Variants in RASAL2 observed in about 807,000 individuals in gnomAD.
RASAL2 encodes the protein RAS protein activator like 2.
In RASAL2, 58 loss-of-function variants were observed where a neutral mutation model predicts 128.9. The ratio of observed to expected loss-of-function variants is 0.45; its 90% confidence interval spans 0.36 to 0.56. The LOEUF is 0.56. Ranked by LOEUF, RASAL2 falls within the 20% of genes least tolerant of loss-of-function variation. The pLI is 0.00. For synonymous variants in RASAL2, 561 were observed against 580.8 expected (o/e 0.97, Z 0.49); for missense variants, 1,360 against 1,601.6 (o/e 0.85, Z 2.57).
rs1014674676 is a variant in RASAL2 at position 178,203,314 on chromosome 1, A to G, written c.203-80250A>G. Among the ~76,000 whole-genome samples the G allele has an allele frequency of 2.0e-5, 3 of 152,180 alleles. No homozygotes were observed. The South Asian group carries it at 6.2e-4, about 31-fold the overall frequency. On this transcript the variant is annotated intron_variant, in intron 1 of 17. Coordinates refer to ENST00000367649, the MANE Select transcript of RASAL2 (RefSeq NM_170692.4). ...CACTGGTCTTACCATGTTCCTCATC[A>G]TCCTGAAGCAGCTGGATTGATAGAA...
intron 2 of RASAL2, 44 bp downstream of exon 2, chr1:178,283,735 T>G: frequency 1.3e-6 from 2 of 1,596,714 alleles, no homozygotes; most frequent in South Asian, 1.1e-5. Flanking sequence ...CTTTTCTGAG[T>G]AAATTCCTGA....
intron 2 of RASAL2, among the ~76,000 whole-genome samples, chr1:178,294,266 G>A (rs1031740920): frequency 6.6e-6 from 1 of 152,140 alleles, no homozygotes; most frequent in African/African-American, 2.4e-5. Flanking sequence ...TGATGTTCAG[G>A]TTGAAGCAGA....
intron 3 of RASAL2, among the ~76,000 whole-genome samples, chr1:178,330,736 A>AG (rs1669257712): frequency 7.9e-5 from 12 of 152,234 alleles, no homozygotes; most frequent in Admixed American, 7.8e-4. Context: ...AAGGTTTTTG[A>AG]GGGAAAAAAA....
chr1:178,279,486 T>A (rs1207190879), intron 1 of RASAL2, among the ~76,000 whole-genome samples: 1 of 152,136 alleles, frequency 6.6e-6, no homozygotes, highest in African/African-American at 2.4e-5. Context: ...ACTTTCTTCA[T>A]CTTGTTACAA....
At chr1:178,265,880 CTT>C (rs1422225007) in intron 1 of RASAL2, among the ~76,000 whole-genome samples, 1 of 152,136 alleles carries the variant, frequency 6.6e-6, no homozygotes, top group Non-Finnish European at 1.5e-5. Flanking sequence ...TCTTTTGTAT[CTT>C]TTTTTGCTCA....
At chr1:178,239,740 C>A (rs1017400056) in intron 1 of RASAL2, among the ~76,000 whole-genome samples, 2 of 151,904 alleles carry the variant, frequency 1.3e-5, no homozygotes, top group South Asian at 2.1e-4. Flanking sequence ...GTAAGGAATA[C>A]GTTTAAGATT....
At chr1:178,432,715 A>C (rs2102802697) in intron 5 of RASAL2, among the ~76,000 whole-genome samples, 1 of 152,086 alleles carries the variant, frequency 6.6e-6, no homozygotes, top group South Asian at 2.1e-4. Flanking sequence ...CCCTCTCCCC[A>C]ATTCCTCCAG....
intron 1 of RASAL2, among the ~76,000 whole-genome samples, chr1:178,114,841 A>G (rs1014691118): frequency 1.3e-5 from 2 of 152,162 alleles, no homozygotes; most frequent in East Asian, 1.9e-4. Context: ...TTTTAAACCA[A>G]TTTACAATCC....
intron 3 of RASAL2, among the ~76,000 whole-genome samples, chr1:178,338,724 C>G (rs1393591874): frequency 1.3e-5 from 2 of 152,178 alleles, no homozygotes; most frequent in Non-Finnish European, 2.9e-5. Context: ...TTAGTAAGCA[C>G]TTACTATGTG....
At chr1:178,471,879 G>A (rs761938578) in intron 17 of RASAL2, among the ~76,000 whole-genome samples, 2 of 152,162 alleles carry the variant, frequency 1.3e-5, no homozygotes, top group Non-Finnish European at 2.9e-5. Context: ...CCAGCCCTGA[G>A]CCCTGCTACT....
chr1:178,128,044 G>C (rs1659962445), intron 1 of RASAL2, among the ~76,000 whole-genome samples: 1 of 151,916 alleles, frequency 6.6e-6, no homozygotes, highest in Non-Finnish European at 1.5e-5. Flanking sequence ...AATTTGAAAG[G>C]GCCCTTAAAG....
chr1:178,307,879 A>T (rs1038666048), intron 3 of RASAL2, among the ~76,000 whole-genome samples: 1 of 152,242 alleles, frequency 6.6e-6, no homozygotes, highest in African/African-American at 2.4e-5. Context: ...AGTTGTTTGC[A>T]TGTAACATCA....
chr1:178,157,099 T>A (rs1221258459), intron 1 of RASAL2, among the ~76,000 whole-genome samples: 2 of 152,190 alleles, frequency 1.3e-5, no homozygotes, highest in African/African-American at 4.8e-5. Context: ...AAATAATGTT[T>A]TAAAACATTA....
At chr1:178,454,236 T>C (rs1039792743) in intron 11 of RASAL2, among the ~76,000 whole-genome samples, 3 of 150,824 alleles carry the variant, frequency 2.0e-5, no homozygotes, top group African/African-American at 7.3e-5. Context: ...CTTTACCCTT[T>C]AGAGAGAATA....
intron 1 of RASAL2, among the ~76,000 whole-genome samples, chr1:178,132,331 A>G (rs934703987): frequency 6.6e-6 from 1 of 151,168 alleles, no homozygotes; most frequent in South Asian, 2.1e-4. Flanking sequence ...CGCTGGGATT[A>G]TAGGTGTGAG....
chr1:178,270,640 T>A (rs1666201729), intron 1 of RASAL2, among the ~76,000 whole-genome samples: 1 of 151,810 alleles, frequency 6.6e-6, no homozygotes, highest in African/African-American at 2.4e-5. Context: ...TTTTTTTTTT[T>A]TATGTCTATA....
chr1:178,310,723 A>G (rs1052971456), intron 3 of RASAL2, among the ~76,000 whole-genome samples: 6 of 152,146 alleles, frequency 3.9e-5, no homozygotes, highest in African/African-American at 9.7e-5. Context: ...TACTTCTGTG[A>G]AGGTGGCTCC....
intron 3 of RASAL2, among the ~76,000 whole-genome samples, chr1:178,310,640 C>T (rs1189799091): frequency 6.6e-6 from 1 of 152,080 alleles, no homozygotes; most frequent in Non-Finnish European, 1.5e-5. Flanking sequence ...GACCACAATT[C>T]TGCTGTAATT....
In RASAL2 at chr1:178,260,370, ATATATATATATATATATATATATAT is replaced by A. The variant is rs1427296882; in HGVS notation, c.203-23193_203-23169del. On this transcript the variant is annotated intron_variant, in intron 1 of 17. Coordinates refer to ENST00000367649, the MANE Select transcript of RASAL2 (RefSeq NM_170692.4). Reference sequence around the variant, plus strand: ...CGTCTCAAAAAAAAAAAAAATATATATATATATATATATATATATATATATATATATATATATATATATATGATAA... The same window carrying A: ...CGTCTCAAAAAAAAAAAAAATATATAATATATATATATATATATATGATAA... 2.2e-4 allele frequency among the ~76,000 whole-genome samples: 4 copies of A among 18,474 alleles called. 1 individual carries two copies. The highest frequency in any genetic ancestry group is 4.5e-4 in the Non-Finnish European group (4 of 8,914). 12.1% of individuals were successfully genotyped at this position (18,474 alleles called of 152,430 possible). A position where few individuals can be genotyped will look rare whatever the true frequency, so the allele number is the denominator to read the frequency against.
Sources: allele counts gnomAD v4.1 joint callset (sites outside exome capture counted in the v4.1 genomes callset), GRCh38; gene constraint gnomAD v4.1.1; transcripts MANE v1.5; gene names NCBI Gene and HGNC (gene_info 2026-07-23, HGNC 2026-07-21).